CLCN3: variants seen among roughly 807,000 people sequenced by gnomAD.
CLCN3 encodes Cl-/H+ antiporter 3, also known as H(+)/Cl(-) exchange transporter 3.
Under a neutral mutation model 83.4 loss-of-function variants are expected in CLCN3, and 16 were observed. The observed-to-expected ratio is 0.19, with a 90% CI of 0.13 to 0.29. The LOEUF is 0.29. CLCN3 is among the 10% of genes least tolerant of loss of function. The pLI is 1.00. For missense variants in CLCN3, 544 were observed against 1,006.0 expected (o/e 0.54, Z 6.21); for synonymous variants, 322 against 346.2 (o/e 0.93, Z 0.78).
intron 2 of CLCN3, among the ~76,000 whole-genome samples, chr4:169,646,692 C>G (rs1163156863): frequency 6.6e-6 from 1 of 152,076 alleles, no homozygotes; most frequent in African/African-American, 2.4e-5. Context: ...ATATAAGCCA[C>G]TTATCTATAT....
chr4:169,692,367 A>G lies in CLCN3; in HGVS notation c.936+47A>G, dbSNP rs758688859. The G allele has an allele frequency of 6.0e-6, 5 of 832,604 alleles. No individual in the cohort carries two copies. The South Asian group carries it at 1.4e-4, about 23-fold the overall frequency. 51.6% of individuals were successfully genotyped at this position (832,604 alleles called of 1,614,324 possible). A position where few individuals can be genotyped will look rare whatever the true frequency, so the allele number is the denominator to read the frequency against. On this transcript the variant is annotated intron_variant, in intron 7 of 12. Transcript: ENST00000513761. ...TTTGACTGAAAAATATATATTATAT[A>G]GTATTTATTTAAGTAAAGAATTTCT...
intron 10 of CLCN3, 65 bp downstream of exon 10, chr4:169,704,249 G>A (rs1732905626): frequency 1.4e-6 from 2 of 1,464,896 alleles, no homozygotes; most frequent in Admixed American, 3.6e-5. Context: ...GAGAAAGTGG[G>A]ACACATTCTT....
chr4:169,637,745 G>A (rs28722107), intron 2 of CLCN3, among the ~76,000 whole-genome samples: 111,693 of 151,950 alleles, frequency 0.74, 41,517 homozygotes, highest in East Asian at 0.97. Context: ...ATTTAGATCT[G>A]CCTACCTGCA....
chr4:169,683,969 C>A (rs1392734096), intron 3 of CLCN3, among the ~76,000 whole-genome samples: 1 of 152,118 alleles, frequency 6.6e-6, no homozygotes, highest in Non-Finnish European at 1.5e-5. Flanking sequence ...TCTCAAACTC[C>A]CGGCCTCAAG....
At chr4:169,638,289 T>C (rs17659581) in intron 2 of CLCN3, among the ~76,000 whole-genome samples, 22,767 of 152,170 alleles carry the variant, frequency 0.15, 2,414 homozygotes, top group East Asian at 0.51. Flanking sequence ...TTACCTCTTT[T>C]TACCCCTTTC....
chr4:169,663,960 C>G (rs1731155724), intron 2 of CLCN3, among the ~76,000 whole-genome samples: 1 of 152,184 alleles, frequency 6.6e-6, no homozygotes, highest in Non-Finnish European at 1.5e-5. Flanking sequence ...CCCCCAAAGT[C>G]CCAAGAACAG....
chr4:169,625,700 A>T (rs1560823865), intron 1 of CLCN3, among the ~76,000 whole-genome samples: 1 of 152,190 alleles, frequency 6.6e-6, no homozygotes, highest in Admixed American at 6.5e-5. Flanking sequence ...ACCTTAGTGG[A>T]TATCTTAGAT....
intron 2 of CLCN3, among the ~76,000 whole-genome samples, chr4:169,679,282 C>A (rs967665248): frequency 1.3e-5 from 2 of 151,822 alleles, no homozygotes; most frequent in Admixed American, 1.3e-4. Context: ...CTCCCCACGT[C>A]CCAGACGATG....
At chr4:169,699,086 C>G (rs1732679892) in intron 9 of CLCN3, among the ~76,000 whole-genome samples, 1 of 152,174 alleles carries the variant, frequency 6.6e-6, no homozygotes, top group South Asian at 2.1e-4. Context: ...TTGATTCCTC[C>G]TTGCCATGCA....
At chr4:169,636,630 T>C (rs575960239) in intron 2 of CLCN3, among the ~76,000 whole-genome samples, 1 of 152,344 alleles carries the variant, frequency 6.6e-6, no homozygotes, top group East Asian at 1.9e-4. Flanking sequence ...ATCTATATTG[T>C]CGTGTATAGC....
chr4:169,636,110 A>G, intron 2 of CLCN3, 22 bp downstream of exon 2: 3 of 1,596,518 alleles, frequency 1.9e-6, no homozygotes, highest in Non-Finnish European at 2.6e-6. Flanking sequence ...ATGACAGCCT[A>G]ATGTTTGTAT....
chr4:169,704,246 T>C (rs564018320), intron 10 of CLCN3, 62 bp downstream of exon 10: 2 of 1,493,088 alleles, frequency 1.3e-6, no homozygotes, highest in East Asian at 2.3e-5. Context: ...CAAGAGAAAG[T>C]GGGACACATT....
chr4:169,695,496 A>G lies in CLCN3; in HGVS notation c.937-116A>G, dbSNP rs1732531267. 5.3e-6 allele frequency: 4 copies of G among 750,874 alleles called. No individual in the cohort carries two copies. In the Admixed American group the frequency reaches 9.3e-5, roughly 17 times the overall value. 46.5% of individuals were successfully genotyped at this position (750,874 alleles called of 1,614,324 possible). ...TTACCCTTTGCTTAGGGAGCAAGGA[A>G]ACATGCAAGTTAAATTCAGAAAATC... On this transcript the variant is annotated intron_variant, in intron 7 of 12. Coordinates refer to ENST00000513761, the MANE Select transcript of CLCN3 (RefSeq NM_001829.4).
intron 2 of CLCN3, among the ~76,000 whole-genome samples, chr4:169,655,717 T>C (rs535923271): frequency 1.8e-4 from 27 of 152,182 alleles, no homozygotes; most frequent in Non-Finnish European, 3.7e-4. Flanking sequence ...TGTTACCCAG[T>C]CTGGTCTTGA....
chr4:169,631,373 G>A (rs973488539), intron 1 of CLCN3, among the ~76,000 whole-genome samples: 2 of 152,094 alleles, frequency 1.3e-5, no homozygotes, highest in Admixed American at 6.5e-5. Flanking sequence ...TGCAAGCTCC[G>A]CCTCCTGGTT....
intron 2 of CLCN3, among the ~76,000 whole-genome samples, chr4:169,649,599 C>T (rs544788376): frequency 1.3e-5 from 2 of 152,250 alleles, no homozygotes; most frequent in South Asian, 4.1e-4. Context: ...GATAAATGTT[C>T]TGTATTTCTA....
At chr4:169,661,011 A>G (rs906834721) in intron 2 of CLCN3, among the ~76,000 whole-genome samples, 1 of 152,190 alleles carries the variant, frequency 6.6e-6, no homozygotes, top group Non-Finnish European at 1.5e-5. Context: ...GTAACATACT[A>G]CATTGTCTTC....
At chr4:169,717,138 G>A (rs1296661868) in intron 12 of CLCN3, among the ~76,000 whole-genome samples, 1 of 151,926 alleles carries the variant, frequency 6.6e-6, no homozygotes, top group African/African-American at 2.4e-5. Flanking sequence ...TTGTTATTTA[G>A]AAAAAAATGC....
At chr4:169,653,412 G>A (rs1730783897) in intron 2 of CLCN3, among the ~76,000 whole-genome samples, 2 of 152,034 alleles carry the variant, frequency 1.3e-5, no homozygotes, top group Non-Finnish European at 2.9e-5. Context: ...GGCCCATGTG[G>A]GTGGATCACC....
Sources: gnomAD v4.1 joint callset for allele counts (sites outside exome capture counted in the v4.1 genomes callset) on GRCh38, gnomAD v4.1.1 for gene constraint, MANE v1.5 for transcripts, NCBI Gene and HGNC (gene_info 2026-07-23, HGNC 2026-07-21) for gene names.